The following IQSEC1 variants were observed in gnomAD, a reference collection of about 807,000 sequenced individuals.
The protein encoded by IQSEC1 is IQ motif and Sec7 domain ArfGEF 1, also known as IQ motif and SEC7 domain-containing protein 1.
Under a neutral mutation model 91.0 loss-of-function variants are expected in IQSEC1, and 31 were observed. That is an observed-to-expected ratio of 0.34 (90% CI 0.26 to 0.46). The LOEUF is 0.46. IQSEC1 is among the 20% of genes least tolerant of loss of function. IQSEC1 has a pLI of 1.00. For synonymous variants in IQSEC1, 699 were observed against 662.6 expected (o/e 1.05, Z -0.84); for missense variants, 1,388 against 1,575.6 (o/e 0.88, Z 2.02).
At chr3:13,222,470 T>C (rs1289221358) in intron 1 of IQSEC1, among the ~76,000 whole-genome samples, 1 of 152,206 alleles carries the variant, frequency 6.6e-6, no homozygotes, top group Non-Finnish European at 1.5e-5. Context: ...TCAATTCTTT[T>C]GGGTCTACAC....
chr3:13,204,721 A>C (rs993499560), intron 1 of IQSEC1, among the ~76,000 whole-genome samples: 2 of 151,252 alleles, frequency 1.3e-5, no homozygotes, highest in Admixed American at 1.3e-4. Flanking sequence ...CGTTTTCTCT[A>C]TCTCTTTCTT....
intron 1 of IQSEC1, among the ~76,000 whole-genome samples, chr3:12,969,644 TC>T (rs942801988): frequency 1.6e-4 from 25 of 152,004 alleles, no homozygotes; most frequent in Admixed American, 3.3e-4. Context: ...CCAAAATAAT[TC>T]CCCCAGCCCA....
intron 2 of IQSEC1, among the ~76,000 whole-genome samples, chr3:13,143,873 AT>A (rs1161522340): frequency 1.3e-5 from 2 of 152,078 alleles, no homozygotes; most frequent in South Asian, 2.1e-4. Context: ...CTGCCCTTAG[AT>A]TTTTTAGTTG....
In IQSEC1 at chr3:12,967,560, C is replaced by G; in HGVS notation, c.24-25695G>C. 1 of 1,344,488 alleles carries G rather than the reference C, an allele frequency of 7.4e-7. No individual in the cohort carries two copies. The highest frequency in any genetic ancestry group is 9.5e-7 in the Non-Finnish European group (1 of 1,056,246). The allele number at this position is 1,344,488 out of a possible 1,614,324, so 83.3% of individuals were successfully genotyped here. A position where few individuals can be genotyped will look rare whatever the true frequency, so the allele number is the denominator to read the frequency against. Reference sequence around the variant, plus strand: ...GATCCCGGGGCCGACACCCGGCCACCCGGAGACCCGACCACCCGCCACGCG... The same window carrying G: ...GATCCCGGGGCCGACACCCGGCCACGCGGAGACCCGACCACCCGCCACGCG... On this transcript the variant is annotated intron_variant, in intron 1 of 13. Transcript: ENST00000613206. This position sits in a 1 kb window ranked among gnomAD's most constrained non-coding sequence, Gnocchi z 5.9.
At chr3:13,232,557 G>A (rs1466157232) in intron 1 of IQSEC1, among the ~76,000 whole-genome samples, 3 of 152,240 alleles carry the variant, frequency 2.0e-5, no homozygotes, top group African/African-American at 7.2e-5. Context: ...AGAGGACCCA[G>A]CCTGGCCCGG....
At chr3:13,145,501 C>T (rs1375430315) in intron 2 of IQSEC1, among the ~76,000 whole-genome samples, 1 of 152,132 alleles carries the variant, frequency 6.6e-6, no homozygotes, top group Non-Finnish European at 1.5e-5. Flanking sequence ...CACAGAAGCC[C>T]CCATAGGCTC....
At chr3:13,185,186 C>A (rs1441263052) in intron 1 of IQSEC1, among the ~76,000 whole-genome samples, 1 of 152,160 alleles carries the variant, frequency 6.6e-6, no homozygotes, top group African/African-American at 2.4e-5. Flanking sequence ...TGCGGCCTGA[C>A]CTTACGCAAG....
At chr3:12,902,696 C>CAAAAAAAAAAAAAA in intron 13 of IQSEC1, 77 bp downstream of exon 13, 1 of 348,732 alleles carries the variant, frequency 2.9e-6, no homozygotes, top group South Asian at 5.7e-5. Flanking sequence ...AAAAAAAAAC[C>CAAAAAAAAAAAAAA]AGGACAACAG....
intron 1 of IQSEC1, among the ~76,000 whole-genome samples, chr3:13,230,608 G>A (rs1263820864): frequency 6.6e-6 from 1 of 152,110 alleles, no homozygotes; most frequent in Admixed American, 6.5e-5. Flanking sequence ...TTGTCTTCAG[G>A]GTTGTACTGA....
intron 1 of IQSEC1, among the ~76,000 whole-genome samples, chr3:13,071,842 AAACCAGAGGCCACCGCCATCCCCCG>A (rs1705442532): frequency 2.4e-4 from 15 of 62,192 alleles, no homozygotes; most frequent in Non-Finnish European, 3.1e-4. Context: ...GCCATCCCCC[AAACCAGAGGCCACCGCCATCCCCCG>A]AACCAGAGGC....
intron 1 of IQSEC1, among the ~76,000 whole-genome samples, chr3:13,020,566 C>T (rs1214513206): frequency 1.3e-5 from 2 of 152,216 alleles, no homozygotes; most frequent in Non-Finnish European, 1.5e-5. Context: ...GCAATTTTTA[C>T]CCCAACAGAA....
At chr3:13,050,352 A>C (rs1704651166) in intron 1 of IQSEC1, among the ~76,000 whole-genome samples, 1 of 151,914 alleles carries the variant, frequency 6.6e-6, no homozygotes. Context: ...CCCAGAGAGA[A>C]CCCTCAGCCC....
intron 1 of IQSEC1, among the ~76,000 whole-genome samples, chr3:12,943,348 G>A (rs148897346): frequency 1.8e-4 from 28 of 152,344 alleles, no homozygotes; most frequent in African/African-American, 6.5e-4. Context: ...CTCGGAACTC[G>A]CAAGCCTTTT....
intron 1 of IQSEC1, among the ~76,000 whole-genome samples, chr3:13,234,250 C>G (rs1694884434): frequency 6.7e-6 from 1 of 148,844 alleles, no homozygotes; most frequent in African/African-American, 2.5e-5. Flanking sequence ...GTGTGAGCCC[C>G]CGTGTCTGTG....
intron 1 of IQSEC1, among the ~76,000 whole-genome samples, chr3:12,991,649 A>G (rs929727698): frequency 1.3e-5 from 2 of 152,238 alleles, no homozygotes; most frequent in Admixed American, 1.3e-4. Context: ...TGCACAGCCC[A>G]GTGATGGGCA....
chr3:13,164,929 T>C (rs1310612417), intron 1 of IQSEC1, among the ~76,000 whole-genome samples: 1 of 152,230 alleles, frequency 6.6e-6, no homozygotes, highest in Non-Finnish European at 1.5e-5. Context: ...AAAACTTACT[T>C]AACCCAGAGT....
chr3:13,049,732 T>G (rs1054245718), intron 1 of IQSEC1, among the ~76,000 whole-genome samples: 4 of 152,192 alleles, frequency 2.6e-5, no homozygotes, highest in African/African-American at 7.2e-5. Flanking sequence ...TCTCTCTCAC[T>G]TTCCTAATAA....
In IQSEC1 at chr3:12,970,543, C is replaced by T. The variant is rs1172191562; in HGVS notation, c.24-28678G>A. ...CTCTCCCAAAGCCCAGCCTTTGCAG[C>T]CCCTCTCTCCAAGCTGTCAGGATCA... is the stretch of plus-strand genomic sequence containing the variant. On this transcript the variant is annotated intron_variant, in intron 1 of 13. Coordinates refer to ENST00000613206, the MANE Select transcript of IQSEC1 (RefSeq NM_001134382.3). The surrounding 1 kb of genome is among the most constrained non-coding windows in gnomAD (Gnocchi z 4.4). Among the ~76,000 whole-genome samples, 3 of 152,174 alleles carry T rather than the reference C, an allele frequency of 2.0e-5. No individual in the cohort carries two copies. The highest frequency in any genetic ancestry group is 2.9e-5 in the Non-Finnish European group (2 of 68,028).
intron 1 of IQSEC1, among the ~76,000 whole-genome samples, chr3:13,190,819 A>G (rs1124781): frequency 0.15 from 22,581 of 152,212 alleles, 1,905 homozygotes; most frequent in East Asian, 0.38. Context: ...AGGTAAATAC[A>G]CTGAAAGGAG....
Sources: allele counts gnomAD v4.1 joint callset (sites outside exome capture counted in the v4.1 genomes callset), GRCh38; gene constraint gnomAD v4.1.1; non-coding constraint Gnocchi (gnomAD v3.1); transcripts MANE v1.5; gene names NCBI Gene and HGNC (gene_info 2026-07-23, HGNC 2026-07-21).